FAT2: variants seen among roughly 807,000 people sequenced by gnomAD.
FAT2 encodes the protein protocadherin Fat 2.
A neutral mutation model predicts 295.3 loss-of-function variants in FAT2; 150 were observed. The ratio of observed to expected loss-of-function variants is 0.51; its 90% CI spans 0.44 to 0.58. The LOEUF is 0.58. Among genes scored for constraint, FAT2 ranks in the 20% least tolerant of loss-of-function variants. FAT2 has a pLI of 0.00. For synonymous variants in FAT2, 2,026 were observed against 2,150.3 expected (o/e 0.94, Z 1.60); for missense variants, 4,868 against 5,442.7 (o/e 0.89, Z 3.32).
rs1301389827 is a variant in FAT2 at position 151,544,175 on chromosome 5, C to T, written c.6952G>A (p.Val2318Ile). 3.1e-6 allele frequency: 5 copies of T among 1,614,190 alleles called. No individual in the cohort carries two copies. Among genetic ancestry groups the T allele is most frequent in the Middle Eastern group, 1.6e-4 (1 of 6,062 alleles). ...SYQIVEDGSDVSKFFQINGST... is the reference protein window; with the variant it reads ...SYQIVEDGSDISKFFQINGST... ...CCATTGATCTGGAAGAACTTGGAAA[C>T]ATCTGAGCCATCCTCCACAATCTGA... Residue 2318 changes from valine to isoleucine, a missense_variant, in exon 10 of 24, where the codon GTT becomes ATT. Val to Ile is a conservative substitution (Grantham distance 29). Transcript: ENST00000261800.
Position 151,542,824 on chromosome 5 carries a change from A to G in FAT2, c.8303T>C (p.Met2768Thr), listed in dbSNP as rs761312164. 5.6e-6 allele frequency: 9 copies of G among 1,614,228 alleles called. No individual in the cohort carries two copies. Among genetic ancestry groups the G allele is most frequent in the Non-Finnish European group, 6.8e-6 (8 of 1,180,046 alleles). Residue 2768 changes from methionine to threonine, a missense_variant, in exon 10 of 24, where the codon ATG becomes ACG. Physicochemically the swap from Met to Thr is moderately conservative, Grantham distance 81 (BLOSUM62 -1). This residue lies in a region of FAT2 where 3,297 missense variants were observed against 3,669.4 expected (regional missense o/e 0.90). Coordinates refer to ENST00000261800, the MANE Select transcript of FAT2 (RefSeq NM_001447.3). Reference sequence around the variant, plus strand: ...ATCAGTGTTCTGAAGGCAATGTGCCATCACATCAATCTGGTACAATTTGGT... The same window carrying G: ...ATCAGTGTTCTGAAGGCAATGTGCCGTCACATCAATCTGGTACAATTTGGT... ...ESTKLYQIDV[M>T]AHCLQNTDVV... is the part of the protein sequence containing the mutation.
In FAT2 at chr5:151,507,573, C is replaced by T. The variant is rs1760992187; in HGVS notation, c.12098G>A (p.Cys4033Tyr). The change falls in exon 23 of 24, where the codon TGC (cysteine) becomes TAC (tyrosine). Residue 4033 changes from cysteine (C) to tyrosine (Y), a missense_variant. Coordinates refer to ENST00000261800, the MANE Select transcript of FAT2 (RefSeq NM_001447.3). ...MEARGCSEGH[C>Y]LVTPEIQRGD... Reference sequence around the variant, plus strand: ...CCTTTGGATCTCGGGAGTGACTAGGCAGTGTCCTTCTGAACAACCCCTCGC... The same window carrying T: ...CCTTTGGATCTCGGGAGTGACTAGGTAGTGTCCTTCTGAACAACCCCTCGC... The T allele has an allele frequency of 1.2e-6, 2 of 1,613,412 alleles. No homozygotes were observed. Among genetic ancestry groups the T allele is most frequent in the Non-Finnish European group, 1.7e-6 (2 of 1,179,856 alleles).
chr5:151,582,746 G>A (rs1190176137), intron 1 of FAT2, among the ~76,000 whole-genome samples: 2 of 152,168 alleles, frequency 1.3e-5, no homozygotes, highest in African/African-American at 4.8e-5. Context: ...ATTCTCAAAC[G>A]TCACTGTGTT....
In FAT2 at chr5:151,563,723, C is replaced by G. The variant is rs1581444825; in HGVS notation, c.3260-84G>C. 10 of 1,104,320 alleles carry G rather than the reference C, an allele frequency of 9.1e-6. No homozygotes were observed. In the Admixed American group the frequency reaches 2.2e-4, roughly 25 times the overall value. 68.4% of individuals were successfully genotyped at this position (1,104,320 alleles called of 1,614,324 possible). On this transcript the variant is annotated intron_variant, in intron 2 of 23. Transcript: ENST00000261800. ...TCACCCTTACCCACCATTCCCCAAA[C>G]CGCACTGTGGAAAGGGTATTAATAA...
chr5:151,530,487 T>C (rs756033500), intron 14 of FAT2, among the ~76,000 whole-genome samples: 35 of 152,196 alleles, frequency 2.3e-4, no homozygotes, highest in Non-Finnish European at 4.1e-4. Flanking sequence ...ACTCAACTGT[T>C]TCATTAAATA....
chr5:151,549,203 CT>C, intron 9 of FAT2, 91 bp downstream of exon 9: 1 of 1,207,018 alleles, frequency 8.3e-7, no homozygotes, highest in Non-Finnish European at 1.2e-6. Flanking sequence ...GAGCTTGGTA[CT>C]TGATTAATTT....
Position 151,568,885 on chromosome 5 carries a change from G to A in FAT2, c.47C>T (p.Ala16Val), listed in dbSNP as rs200899973. 59 of 1,613,498 alleles carry A rather than the reference G, an allele frequency of 3.7e-5. No individual in the cohort carries two copies. Among genetic ancestry groups the A allele is most frequent in the South Asian group, 7.7e-5 (7 of 90,906 alleles). ...LGFAIFLLHC[A>V]TCEKPLEGIL... ...CCCTTCTAGAGGCTTCTCACAGGTC[G>A]CACAATGGAGCAAGAATATGGCAAA... Residue 16 changes from alanine to valine, a missense_variant, in exon 2 of 24, where the codon GCG (alanine) becomes GTG (valine). This residue lies in a region of FAT2 where 3,297 missense variants were observed against 3,669.4 expected (regional missense o/e 0.90). Coordinates refer to ENST00000261800, the MANE Select transcript of FAT2 (RefSeq NM_001447.3).
In FAT2 at chr5:151,531,942, CAG is replaced by C. The variant is rs1754668032; in HGVS notation, c.9454_9455del (p.Leu3152AlafsTer39). 3 of 1,614,218 alleles carry C rather than the reference CAG, an allele frequency of 1.9e-6. No individual in the cohort carries two copies. The highest frequency in any genetic ancestry group is 2.5e-6 in the Non-Finnish European group (3 of 1,180,038). The stretch of plus-strand genomic sequence containing the variant: ...AAAAGTGGCCTTCGGCTGAATCCGG[CAG>C]AGAGTAAACCACCTGGGCATTGGCG... ...QGANAQVVYS[L>X]PDSAEGHFSI... On this transcript the variant is annotated frameshift_variant, in exon 14 of 24. Transcript: ENST00000261800. LOFTEE classifies it high-confidence loss of function. The surrounding 1 kb of genome is among the most constrained non-coding windows in gnomAD (Gnocchi z 5.7).
At position 151,543,446 on chromosome 5, in the gene FAT2, C is replaced by T; in HGVS notation, c.7681G>A (p.Asp2561Asn). Residue 2561 changes from aspartate to asparagine, a missense_variant, in exon 10 of 24, where the codon GAT (aspartate) becomes AAT (asparagine). Physicochemically the swap from Asp to Asn is conservative, Grantham distance 23. Around this residue, in one of 5 missense-constraint regions of FAT2, gnomAD observed 3,297 missense variants for 3,669.4 expected, o/e 0.90. Transcript: ENST00000261800. ...CAGAAGGCTACTCTTCCTCCTCCAT[C>T]CCGAGCCATGACCTTAATAGCAATG... ...RVIAIKVMAR[D>N]GGGRVAFCTV... is the part of the protein sequence containing the mutation. 6.2e-7 allele frequency: 1 copy of T among 1,614,190 alleles called. No homozygotes were observed. Among genetic ancestry groups the T allele is most frequent in the Admixed American group, 1.7e-5 (1 of 60,028 alleles).
chr5:151,591,635 CAGT>C (rs3056551), upstream of FAT2, among the ~76,000 whole-genome samples: 63,341 of 151,650 alleles, frequency 0.42, 13,263 homozygotes, highest in African/African-American at 0.45. Context: ...GCTGTCAGAA[CAGT>C]AGTGTTCTCT....
Position 151,565,793 on chromosome 5 carries a change from A to AG in FAT2, c.3138dup (p.Ser1047LeufsTer14). 6.2e-7 allele frequency: 1 copy of AG among 1,614,000 alleles called. No homozygotes were observed. The highest frequency in any genetic ancestry group is 8.5e-7 in the Non-Finnish European group (1 of 1,179,986). On this transcript the variant is annotated frameshift_variant, in exon 2 of 24. Coordinates refer to ENST00000261800, the MANE Select transcript of FAT2 (RefSeq NM_001447.3). LOFTEE classifies it high-confidence loss of function. ...GCCACTACAATCACCTGAGTTCCCG[A>AG]GGGGCTGTTCTCCTGCACCTGGCCC... is the stretch of plus-strand genomic sequence containing the variant.
At chr5:151,562,263 C>T (rs1561870528) in intron 3 of FAT2, among the ~76,000 whole-genome samples, 1 of 152,206 alleles carries the variant, frequency 6.6e-6, no homozygotes, top group African/African-American at 2.4e-5. Context: ...TCTTCCTTTC[C>T]TCCAATCTCA....
At chr5:151,547,075 AACTC>A (rs775349970) in intron 9 of FAT2, among the ~76,000 whole-genome samples, 3 of 152,204 alleles carry the variant, frequency 2.0e-5, no homozygotes, top group Non-Finnish European at 2.9e-5. Flanking sequence ...CCTTTAAATT[AACTC>A]ACTCAAATTT....
chr5:151,521,170 A>T, intron 19 of FAT2, 106 bp downstream of exon 19: 1 of 1,252,460 alleles, frequency 8.0e-7, no homozygotes, highest in Non-Finnish European at 1.1e-6. Flanking sequence ...GCTTATTAAA[A>T]CTTCCCTGAA....
At position 151,544,549 on chromosome 5, in the gene FAT2, G is replaced by T. The variant is rs749648049; in HGVS notation, c.6578C>A (p.Thr2193Asn). 1 of 1,614,060 alleles carries T rather than the reference G, an allele frequency of 6.2e-7. No homozygotes were observed. Among genetic ancestry groups the T allele is most frequent in the South Asian group, 1.1e-5 (1 of 91,064 alleles). ...NITLYTPILH[T>N]QARSPEGLRL... ...GAGTCCCTCTGGACTCCGGGCCTGGGTGTGGAGAATTGGGGTATAGAGGGT... is the reference window on the plus strand; with the variant it reads ...GAGTCCCTCTGGACTCCGGGCCTGGTTGTGGAGAATTGGGGTATAGAGGGT... Residue 2193 changes from threonine (T) to asparagine (N), a missense_variant, in exon 10 of 24, where the codon ACC becomes AAC. Thr to Asn is a moderately conservative substitution (Grantham distance 65). Transcript: ENST00000261800.
rs575985137 is a variant in FAT2, at chr5:151,506,220, C to T, written c.12518-123G>A. On this transcript the variant is annotated intron_variant, in intron 23 of 23. Coordinates refer to ENST00000261800, the MANE Select transcript of FAT2 (RefSeq NM_001447.3). ...TGGGAGTGGGTGGGCATAGGCCCAT[C>T]TGTGCAGGTTGTCTCTGTTGGCTTA... is the stretch of plus-strand genomic sequence containing the variant. 9 of 1,029,304 alleles carry T rather than the reference C, an allele frequency of 8.7e-6. No individual in the cohort carries two copies. In the African/African-American group the frequency reaches 1.2e-4, roughly 13 times the overall value. The allele number at this position is 1,029,304 out of a possible 1,614,324, so 63.8% of individuals were successfully genotyped here.
At chr5:151,550,351 G>A (rs1757075735) in intron 8 of FAT2, among the ~76,000 whole-genome samples, 1 of 152,168 alleles carries the variant, frequency 6.6e-6, no homozygotes, top group African/African-American at 2.4e-5. Flanking sequence ...GGAAATATCT[G>A]GGGTGAGTCC....
At chr5:151,508,985 G>C (rs1484897042) in intron 22 of FAT2, among the ~76,000 whole-genome samples, 1 of 152,118 alleles carries the variant, frequency 6.6e-6, no homozygotes, top group African/African-American at 2.4e-5. Context: ...AGGCTCCCAA[G>C]TTTGGGAGCC....
At chr5:151,513,618 A>G (rs541162547) in intron 20 of FAT2, among the ~76,000 whole-genome samples, 143 of 70,030 alleles carry the variant, frequency 2.0e-3, no homozygotes, top group Admixed American at 0.011. Flanking sequence ...GAGAAGGTTA[A>G]GGACAAAAAA....
Sources: gnomAD v4.1 joint callset for allele counts (sites outside exome capture counted in the v4.1 genomes callset) on GRCh38, gnomAD v4.1.1 for gene constraint, gnomAD v4.1.1 regional missense constraint, Gnocchi (gnomAD v3.1) non-coding constraint, MANE v1.5 for transcripts, NCBI Gene and HGNC (gene_info 2026-07-23, HGNC 2026-07-21) for gene names.